The following CCDC40 variants were observed in gnomAD, a reference collection of about 807,000 sequenced individuals.
CCDC40 encodes coiled-coil domain 40 molecular ruler complex subunit, also known as coiled-coil domain-containing protein 40.
CCDC40 carries 104 observed loss-of-function variants against 124.5 expected under a neutral mutation model. The ratio of observed to expected loss-of-function variants is 0.84; its 90% CI spans 0.71 to 0.98. The LOEUF is 0.98. Among genes scored for constraint, CCDC40 ranks in the 50% least tolerant of loss-of-function variants. The pLI, the probability that CCDC40 is intolerant of heterozygous loss-of-function variation, is 0.00. For missense variants in CCDC40, 1,463 were observed against 1,503.9 expected, an observed-to-expected ratio of 0.97 and a Z score of 0.45; for synonymous variants, 580 against 602.9, an observed-to-expected ratio of 0.96 and a Z score of 0.56.
In CCDC40 at chr17:80,087,761, C is replaced by T. The variant is rs61749027; in HGVS notation, c.2604C>T (p.Phe868=). The T allele has an allele frequency of 3.3e-3, 5,303 of 1,614,038 alleles. 148 individuals are homozygous for T. In the African/African-American group the frequency reaches 0.059, roughly 18 times the overall value. Reference sequence around the variant, plus strand: ...ACAACCGGGTGACAGAGAATGAGTTCGTGCGCTCGCTGAAGGTCCGGCCGT... The same window carrying T: ...ACAACCGGGTGACAGAGAATGAGTTTGTGCGCTCGCTGAAGGTCCGGCCGT... ...EQNNRVTENE[F]VRSLKASERE... The change falls in exon 15 of 20, where the codon TTC becomes TTT. Residue 868 remains phenylalanine, a synonymous_variant. Transcript: ENST00000397545. The surrounding 1 kb of genome is among the most constrained non-coding windows in gnomAD (Gnocchi z 4.5).
intron 3 of CCDC40, 191 bp downstream of exon 3, chr17:80,040,461 C>T (rs2037249174): frequency 9.7e-6 from 6 of 621,490 alleles, no homozygotes; most frequent in South Asian, 5.7e-5. Flanking sequence ...GGTGGGTCAC[C>T]TGAGGTCAGG....
At chr17:80,059,224 C>T (rs1422112850) in intron 9 of CCDC40, among the ~76,000 whole-genome samples, 1 of 152,220 alleles carries the variant, frequency 6.6e-6, no homozygotes, top group Non-Finnish European at 1.5e-5. Context: ...GGTTCAGGTA[C>T]TCTAGTCGCT....
chr17:80,085,773 G>A (rs549776741), intron 13 of CCDC40, among the ~76,000 whole-genome samples: 36 of 148,678 alleles, frequency 2.4e-4, no homozygotes, highest in African/African-American at 8.2e-4. Context: ...GAGTTCAAGC[G>A]ATTCTCCTGC....
intron 17 of CCDC40, chr17:80,090,840 A>C: frequency 1.7e-6 from 2 of 1,163,970 alleles, no homozygotes; most frequent in East Asian, 5.2e-5. Context: ...TCCTCTGCTG[A>C]GTTATTTTTC....
chr17:80,087,880 C>A lies in CCDC40; in HGVS notation c.2619+104C>A. The A allele has an allele frequency of 7.6e-7, 1 of 1,316,534 alleles. No individual in the cohort carries two copies. The highest frequency in any genetic ancestry group is 1.2e-5 in the South Asian group (1 of 85,012). The allele number at this position is 1,316,534 out of a possible 1,614,324, so 81.6% of individuals were successfully genotyped here. A position where few individuals can be genotyped will look rare whatever the true frequency, so the allele number is the denominator to read the frequency against. ...CCAGGATGTAATTTCCACACCCGTT[C>A]AAGATGCTTGTAGGGGTATTAGAAA... On this transcript the variant is annotated intron_variant, in intron 15 of 19. Coordinates refer to ENST00000397545, the MANE Select transcript of CCDC40 (RefSeq NM_017950.4). The surrounding 1 kb of genome is among the most constrained non-coding windows in gnomAD (Gnocchi z 4.5).
Position 80,099,688 on chromosome 17 carries a change from G to T in CCDC40, c.3342G>T (p.Val1114=), listed in dbSNP as rs1488431665. Residue 1114 remains valine, a synonymous_variant, in exon 20 of 20, where the codon GTG becomes GTT. Coordinates refer to ENST00000397545, the MANE Select transcript of CCDC40 (RefSeq NM_017950.4). ...LALIATILDR[V]RDEYPQFQEA... The stretch of plus-strand genomic sequence containing the variant: ...TCATCGCCACCATCCTGGACCGCGT[G>T]CGGGACGAGTACCCCCAGTTCCAGG... 1 of 1,613,896 alleles carries T rather than the reference G, an allele frequency of 6.2e-7. No homozygotes were observed. Among genetic ancestry groups the T allele is most frequent in the South Asian group, 1.1e-5 (1 of 91,088 alleles).
At chr17:80,064,746 C>G (rs1239524906) in intron 9 of CCDC40, among the ~76,000 whole-genome samples, 1 of 151,288 alleles carries the variant, frequency 6.6e-6, no homozygotes, top group Non-Finnish European at 1.5e-5. Context: ...TGCCCCTAGA[C>G]TTCCAGCCTC....
chr17:80,047,036 G>A (rs1052561059), intron 3 of CCDC40, among the ~76,000 whole-genome samples: 1 of 152,244 alleles, frequency 6.6e-6, no homozygotes, highest in Non-Finnish European at 1.5e-5. Flanking sequence ...GGTAGAGACG[G>A]GGTTTCGCCA....
chr17:80,072,351 C>A (rs114626635), intron 10 of CCDC40, among the ~76,000 whole-genome samples: 1 of 152,100 alleles, frequency 6.6e-6, no homozygotes, highest in African/African-American at 2.4e-5. Flanking sequence ...AAAATACCAT[C>A]GACTTTCTCT....
rs370134836 is a variant in CCDC40, at chr17:80,099,619, G to C, written c.3273G>C (p.Gln1091His). The C allele has an allele frequency of 1.9e-6, 3 of 1,613,658 alleles. No homozygotes were observed. The African/African-American group carries it at 4.0e-5, about 22-fold the overall frequency. ...GRYVFLFRSKQSLVLERQRLD... is the reference protein window; with the variant it reads ...GRYVFLFRSKHSLVLERQRLD... ...ACGTGTTCCTGTTCCGCTCCAAGCAGTCCCTAGTGCTGGAGCGCCAGCGCC... is the reference window on the plus strand; with the variant it reads ...ACGTGTTCCTGTTCCGCTCCAAGCACTCCCTAGTGCTGGAGCGCCAGCGCC... The change falls in exon 20 of 20, where the codon CAG (glutamine) becomes CAC (histidine). Residue 1091 changes from glutamine to histidine, a missense_variant. Transcript: ENST00000397545.
At chr17:80,063,502 C>A (rs1026982745) in intron 9 of CCDC40, among the ~76,000 whole-genome samples, 1 of 152,160 alleles carries the variant, frequency 6.6e-6, no homozygotes, top group Non-Finnish European at 1.5e-5. Flanking sequence ...GGAGGCCTCG[C>A]ACAGGCTCAG....
At chr17:80,088,388 A>G (rs1270162339) in intron 16 of CCDC40, 1 of 458,300 alleles carries the variant, frequency 2.2e-6, no homozygotes, top group East Asian at 4.4e-5. Flanking sequence ...AGTAGCTGGG[A>G]TTACAGGTGC....
intron 19 of CCDC40, chr17:80,097,836 A>T: frequency 4.5e-6 from 1 of 222,550 alleles, no homozygotes; most frequent in South Asian, 6.3e-5. Flanking sequence ...GGAGGTCGAG[A>T]CTGCAGTGAG....
At chr17:80,090,275 A>C in intron 17 of CCDC40, 8 of 1,187,064 alleles carry the variant, frequency 6.7e-6, no homozygotes, top group South Asian at 1.7e-5. Context: ...GGGCACGTGC[A>C]CGAACAACAC....
Position 80,051,163 on chromosome 17 carries a change from CT to C in CCDC40, c.1159+883del, listed in dbSNP as rs745886437. On this transcript the variant is annotated intron_variant, in intron 7 of 19. Transcript: ENST00000397545. ...TCTTTATGCTTTTTGATGTTTTCAA[CT>C]TTCTCAATCAACTGTGTATTACTCT... The C allele has an allele frequency of 3.3e-5, 6 of 181,952 alleles. No individual in the cohort carries two copies. The South Asian group carries it at 5.6e-4, about 17-fold the overall frequency. The allele number at this position is 181,952 out of a possible 1,614,324, so 11.3% of individuals were successfully genotyped here. A position where few individuals can be genotyped will look rare whatever the true frequency, so the allele number is the denominator to read the frequency against.
chr17:80,054,077 C>T (rs9907292), intron 7 of CCDC40, among the ~76,000 whole-genome samples: 50,490 of 151,872 alleles, frequency 0.33, 11,022 homozygotes, highest in African/African-American at 0.63. Context: ...CTGAAAGAAG[C>T]AGAAAAATAA....
At chr17:80,082,663 G>A (rs1003823995) in intron 12 of CCDC40, among the ~76,000 whole-genome samples, 9 of 152,132 alleles carry the variant, frequency 5.9e-5, no homozygotes, top group Admixed American at 5.9e-4. Flanking sequence ...CCTCCTGAGG[G>A]GTGGGAAAGG....
chr17:80,083,964 A>G (rs1249695847), intron 12 of CCDC40, among the ~76,000 whole-genome samples: 2 of 152,236 alleles, frequency 1.3e-5, no homozygotes, highest in Non-Finnish European at 2.9e-5. Flanking sequence ...CCCAGTGTGT[A>G]GGGTGTGATC....
chr17:80,082,800 C>T (rs542891237), intron 12 of CCDC40, among the ~76,000 whole-genome samples: 2 of 152,230 alleles, frequency 1.3e-5, no homozygotes, highest in South Asian at 4.1e-4. Flanking sequence ...GTCTGGGCAG[C>T]CCGATAGGTC....
Sources: allele counts gnomAD v4.1 joint callset (sites outside exome capture counted in the v4.1 genomes callset), GRCh38; gene constraint gnomAD v4.1.1; non-coding constraint Gnocchi (gnomAD v3.1); transcripts MANE v1.5; gene names NCBI Gene and HGNC (gene_info 2026-07-23, HGNC 2026-07-21).